The following C1orf21 variants were observed in gnomAD, a reference collection of about 807,000 sequenced individuals.
C1orf21 encodes the protein chromosome 1 open reading frame 21, also known as uncharacterized protein C1orf21.
A neutral mutation model predicts 18.7 loss-of-function variants in C1orf21; 3 were observed. The observed-to-expected ratio is 0.16, with a 90% CI of 0.07 to 0.42. The LOEUF is 0.42. C1orf21 is among the 10% of genes least tolerant of loss of function. The probability of loss-of-function intolerance (pLI) is 0.99; values close to 1 mark genes in which losing one functional copy is unlikely to be tolerated. For synonymous variants in C1orf21, 41 were observed against 46.4 expected, an observed-to-expected ratio of 0.88 and a Z score of 0.47; for missense variants, 104 against 143.6, an observed-to-expected ratio of 0.72 and a Z score of 1.41.
intron 3 of C1orf21, among the ~76,000 whole-genome samples, chr1:184,545,163 C>A (rs2101979115): frequency 6.6e-6 from 1 of 152,244 alleles, no homozygotes; most frequent in South Asian, 2.1e-4. Flanking sequence ...ATCTTGGAGT[C>A]TTCCTACCCC....
chr1:184,513,024 T>A (rs1350904545), intron 3 of C1orf21, among the ~76,000 whole-genome samples: 1 of 152,212 alleles, frequency 6.6e-6, no homozygotes, highest in East Asian at 1.9e-4. Flanking sequence ...GGTTGCATGC[T>A]CCTTATGAGA....
chr1:184,487,121 G>A (rs922489142), intron 2 of C1orf21, among the ~76,000 whole-genome samples: 1 of 148,620 alleles, frequency 6.7e-6, no homozygotes, highest in African/African-American at 2.6e-5. Context: ...CTTCCCCTTG[G>A]AGTTATTTTC....
intron 3 of C1orf21, among the ~76,000 whole-genome samples, chr1:184,518,380 C>T (rs187369602): frequency 2.3e-3 from 353 of 152,248 alleles, no homozygotes; most frequent in Non-Finnish European, 2.9e-3. Context: ...GGACACCTGG[C>T]TTCATTTCTG....
At chr1:184,469,205 G>A (rs528403328) in intron 1 of C1orf21, among the ~76,000 whole-genome samples, 44 of 152,270 alleles carry the variant, frequency 2.9e-4, no homozygotes, top group African/African-American at 8.9e-4. Flanking sequence ...AGCCGAGGTC[G>A]CGCCACTGCA....
intron 5 of C1orf21, among the ~76,000 whole-genome samples, chr1:184,606,643 A>C (rs1000086890): frequency 6.6e-6 from 1 of 152,034 alleles, no homozygotes; most frequent in Non-Finnish European, 1.5e-5. Context: ...AAAAAAATTT[A>C]GGAAAGGGGC....
intron 1 of C1orf21, among the ~76,000 whole-genome samples, chr1:184,397,219 A>G (rs1656064381): frequency 6.6e-6 from 1 of 152,206 alleles, no homozygotes; most frequent in Non-Finnish European, 1.5e-5. Context: ...ACATTTTCAT[A>G]ATGTCTGTTA....
At chr1:184,526,331 T>C (rs1658375961) in intron 3 of C1orf21, among the ~76,000 whole-genome samples, 1 of 152,220 alleles carries the variant, frequency 6.6e-6, no homozygotes, top group South Asian at 2.1e-4. Context: ...GATGTTTGAC[T>C]AATTCTTTGC....
chr1:184,543,055 A>G (rs1003582342), intron 3 of C1orf21, among the ~76,000 whole-genome samples: 2 of 152,230 alleles, frequency 1.3e-5, no homozygotes, highest in African/African-American at 4.8e-5. Flanking sequence ...TGCTGTGGGA[A>G]CCAACACTTT....
At chr1:184,607,047 A>G (rs189352164) in intron 5 of C1orf21, among the ~76,000 whole-genome samples, 1 of 152,204 alleles carries the variant, frequency 6.6e-6, no homozygotes, top group African/African-American at 2.4e-5. Flanking sequence ...TCACAATTCT[A>G]TCAAGTGCAG....
chr1:184,551,060 C>T (rs1338263711), intron 3 of C1orf21, among the ~76,000 whole-genome samples: 1 of 152,108 alleles, frequency 6.6e-6, no homozygotes, highest in African/African-American at 2.4e-5. Context: ...CAGTTTAGTG[C>T]CAGCATAGGA....
At chr1:184,492,014 T>G (rs1657823859) in intron 2 of C1orf21, among the ~76,000 whole-genome samples, 1 of 152,234 alleles carries the variant, frequency 6.6e-6, no homozygotes, top group African/African-American at 2.4e-5. Flanking sequence ...ATCTTCATTC[T>G]TTGTAACTTT....
At position 184,602,414 on chromosome 1, in the gene C1orf21, G is replaced by A. The variant is rs190619828; in HGVS notation, c.327+3953G>A. Among the ~76,000 whole-genome samples, 428 of 152,274 alleles carry A rather than the reference G, an allele frequency of 2.8e-3. 2 individuals are homozygous for A. Among genetic ancestry groups the A allele is most frequent in the African/African-American group, 9.6e-3 (398 of 41,548 alleles). ...GAGAGTAAAAACACTGTGAACCAGT[G>A]GGAGCCACCTAATTTCTGTTCACCT... is the stretch of plus-strand genomic sequence containing the variant. On this transcript the variant is annotated intron_variant, in intron 5 of 5. Coordinates refer to ENST00000235307, the MANE Select transcript of C1orf21 (RefSeq NM_030806.4).
intron 1 of C1orf21, among the ~76,000 whole-genome samples, chr1:184,469,458 T>C (rs1174460387): frequency 6.6e-6 from 1 of 152,176 alleles, no homozygotes; most frequent in Non-Finnish European, 1.5e-5. Context: ...TGTGTAGAAG[T>C]TGAGGCTTTG....
chr1:184,482,061 G>A (rs1353208865), intron 2 of C1orf21, among the ~76,000 whole-genome samples: 3 of 152,144 alleles, frequency 2.0e-5, no homozygotes, highest in African/African-American at 7.2e-5. Context: ...TTATTTCTGT[G>A]GTCTCTTATT....
At position 184,398,422 on chromosome 1, in the gene C1orf21, A is replaced by C. The variant is rs539931861; in HGVS notation, c.-125+11054A>C. On this transcript the variant is annotated intron_variant, in intron 1 of 5. Coordinates refer to ENST00000235307, the MANE Select transcript of C1orf21 (RefSeq NM_030806.4). ...TTTAAAGTCAGACTTTTAATTGTCA[A>C]CTCCCAGCCAGTTCTGTTTTCTCTG... 5.8e-4 allele frequency among the ~76,000 whole-genome samples: 88 copies of C among 151,892 alleles called. 1 individual carries two copies. The highest frequency in any genetic ancestry group is 9.3e-4 in the Non-Finnish European group (63 of 67,958).
chr1:184,627,313 C>T lies in C1orf21; in HGVS notation c.*7757C>T, dbSNP rs939149070. 1.3e-5 allele frequency: 2 copies of T among 152,064 alleles called. No homozygotes were observed. Among genetic ancestry groups the T allele is most frequent in the African/African-American group, 4.8e-5 (2 of 41,386 alleles). 9.4% of individuals were successfully genotyped at this position (152,064 alleles called of 1,614,324 possible). ...GGTTTTTTTCTCCCCTCCCCACCCC[C>T]AGAAAAATAATTAGAAAAATGTTTA... On this transcript the variant is annotated 3_prime_UTR_variant, in exon 6 of 6. Transcript: ENST00000235307.
chr1:184,400,656 C>G (rs1656137823), intron 1 of C1orf21, among the ~76,000 whole-genome samples: 1 of 151,756 alleles, frequency 6.6e-6, no homozygotes, highest in African/African-American at 2.4e-5. Context: ...TAATCTTTTG[C>G]TCTTACATTT....
intron 3 of C1orf21, among the ~76,000 whole-genome samples, chr1:184,527,953 C>T (rs1658402981): frequency 6.6e-6 from 1 of 152,192 alleles, no homozygotes; most frequent in African/African-American, 2.4e-5. Context: ...AAGTTATTAT[C>T]TTGCTGTTGT....
chr1:184,537,326 C>G (rs1571403966), intron 3 of C1orf21, among the ~76,000 whole-genome samples: 1 of 152,274 alleles, frequency 6.6e-6, no homozygotes, highest in Middle Eastern at 3.4e-3. Flanking sequence ...AACCACCATT[C>G]TATTTTCTGT....
Sources: gnomAD v4.1 joint callset for allele counts (sites outside exome capture counted in the v4.1 genomes callset) on GRCh38, gnomAD v4.1.1 for gene constraint, MANE v1.5 for transcripts, NCBI Gene and HGNC (gene_info 2026-07-23, HGNC 2026-07-21) for gene names.